The following L2HGDH variants were observed in gnomAD, a reference collection of about 807,000 sequenced individuals.
L2HGDH encodes the protein L-2-hydroxyglutarate dehydrogenase, mitochondrial.
L2HGDH carries 34 observed loss-of-function variants against 51.5 expected under a neutral mutation model. The ratio of observed to expected loss-of-function variants is 0.66; its 90% CI spans 0.50 to 0.88. The LOEUF is 0.88. L2HGDH is among the 40% of genes least tolerant of loss of function. L2HGDH has a pLI of 0.00. For missense variants in L2HGDH, 558 were observed against 571.9 expected (o/e 0.98, Z 0.25); for synonymous variants, 198 against 197.9 (o/e 1.00, Z -0.01).
chr14:50,243,417 T>TA lies in L2HGDH; in HGVS notation c.*3640dup, dbSNP rs1055743031. On this transcript the variant is annotated 3_prime_UTR_variant, in exon 10 of 10. Coordinates refer to ENST00000267436, the MANE Select transcript of L2HGDH (RefSeq NM_024884.3). ...AAGCAAACAGTTTATGTTTTACACA[T>TA]AAAAAAATTTATTTGCATAAAAGTT... 4 of 970,042 alleles carry TA rather than the reference T, an allele frequency of 4.1e-6. No homozygotes were observed. The African/African-American group carries it at 7.0e-5, about 17-fold the overall frequency. The allele number at this position is 970,042 out of a possible 1,614,324, so 60.1% of individuals were successfully genotyped here.
intron 4 of L2HGDH, among the ~76,000 whole-genome samples, chr14:50,290,758 G>A (rs961251845): frequency 3.9e-5 from 6 of 151,938 alleles, no homozygotes; most frequent in African/African-American, 1.5e-4. Flanking sequence ...CCGCCTCCCG[G>A]GTTCAAGCAA....
chr14:50,304,703 C>T (rs566085498), intron 1 of L2HGDH, among the ~76,000 whole-genome samples: 4 of 152,198 alleles, frequency 2.6e-5, no homozygotes, highest in East Asian at 1.9e-4. Flanking sequence ...GGCGTGGTGG[C>T]GGGCACCTGT....
At chr14:50,267,489 T>C (rs1889411928) in intron 8 of L2HGDH, among the ~76,000 whole-genome samples, 1 of 152,148 alleles carries the variant, frequency 6.6e-6, no homozygotes, top group Non-Finnish European at 1.5e-5. Flanking sequence ...GCCAGCCTTT[T>C]CTTTTTAACC....
rs1962578 is a variant in L2HGDH, at chr14:50,303,150, G to A, written c.141-133C>T. The A allele has an allele frequency of 0.41, 260,238 of 630,212 alleles. 55,454 individuals are homozygous for A. Among genetic ancestry groups the A allele is most frequent in the East Asian group, 0.63 (20,024 of 31,592 alleles). 39.0% of individuals were successfully genotyped at this position (630,212 alleles called of 1,614,324 possible). A position where few individuals can be genotyped will look rare whatever the true frequency, so the allele number is the denominator to read the frequency against. ...ATGAAAACGTATTCGGCGGCCGGTC[G>A]CAGTGGCTCACACCTGTAATCCCAG... On this transcript the variant is annotated intron_variant, in intron 1 of 9. Coordinates refer to ENST00000267436, the MANE Select transcript of L2HGDH (RefSeq NM_024884.3).
intron 1 of L2HGDH, among the ~76,000 whole-genome samples, chr14:50,309,546 A>G (rs1259749610): frequency 1.4e-5 from 2 of 147,514 alleles, no homozygotes; most frequent in Admixed American, 6.9e-5. Context: ...TGGGTGACAA[A>G]GCGAGACTTC....
intron 7 of L2HGDH, among the ~76,000 whole-genome samples, chr14:50,268,396 A>T (rs1041985659): frequency 6.6e-6 from 1 of 151,476 alleles, no homozygotes; most frequent in African/African-American, 2.4e-5. Flanking sequence ...AAAAAAAAAA[A>T]AAAAAGAAAC....
rs1595083627 is a variant in L2HGDH, at chr14:50,265,439, A to G, written c.1115T>C (p.Met372Thr). 1.2e-6 allele frequency: 2 copies of G among 1,613,114 alleles called. No individual in the cohort carries two copies. The highest frequency in any genetic ancestry group is 2.2e-5 in the South Asian group (2 of 91,054). ...TGCACCAAGAAAACATGCTTTATAC[A>G]TTTCAGTAACTCCATAGGAAAAATT... ...SQNFSYGVTE[M>T]YKACFLGATV... Residue 372 changes from methionine to threonine, a missense_variant, in exon 9 of 10, where the codon ATG becomes ACG. Transcript: ENST00000267436.
At chr14:50,308,327 C>T (rs181080990) in intron 1 of L2HGDH, among the ~76,000 whole-genome samples, 4 of 149,578 alleles carry the variant, frequency 2.7e-5, no homozygotes, top group Middle Eastern at 3.5e-3. Context: ...GAGGCCTCTG[C>T]GGTGAGCCGA....
intron 5 of L2HGDH, among the ~76,000 whole-genome samples, chr14:50,283,026 T>TA (rs566436202): frequency 3.0e-4 from 43 of 143,624 alleles, no homozygotes; most frequent in South Asian, 2.9e-3. Flanking sequence ...AAATTAAAAT[T>TA]AAAAAAAAAA....
intron 4 of L2HGDH, chr14:50,293,110 TTAA>T (rs2029869121): frequency 3.1e-6 from 2 of 647,204 alleles, no homozygotes; most frequent in Admixed American, 4.7e-5. Flanking sequence ...AAGAACCCAT[TTAA>T]AAAAAAATGG....
At chr14:50,288,710 C>T (rs1211643199) in intron 4 of L2HGDH, among the ~76,000 whole-genome samples, 3 of 152,214 alleles carry the variant, frequency 2.0e-5, no homozygotes, top group East Asian at 1.9e-4. Flanking sequence ...GGATTACAGG[C>T]GTGAGCCACT....
chr14:50,264,386 A>C (rs899654658), intron 9 of L2HGDH, among the ~76,000 whole-genome samples: 1 of 152,144 alleles, frequency 6.6e-6, no homozygotes, highest in African/African-American at 2.4e-5. Context: ...TTCAGAAAAA[A>C]TATAAAAATA....
At chr14:50,274,939 G>C (rs1889892117) in intron 6 of L2HGDH, among the ~76,000 whole-genome samples, 1 of 133,338 alleles carries the variant, frequency 7.5e-6, no homozygotes, top group Non-Finnish European at 1.6e-5. Flanking sequence ...TAGAAAAAGA[G>C]AGTACAATGA....
chr14:50,263,599 G>A (rs1181934421), intron 9 of L2HGDH, among the ~76,000 whole-genome samples: 3 of 152,100 alleles, frequency 2.0e-5, no homozygotes, highest in African/African-American at 7.2e-5. Flanking sequence ...AATTCATGGA[G>A]GGATGGATTG....
At chr14:50,311,446 G>A (rs1438727158) in intron 1 of L2HGDH, 2 of 455,948 alleles carry the variant, frequency 4.4e-6, no homozygotes, top group African/African-American at 4.0e-5. Flanking sequence ...ACAGAGGACA[G>A]AGAAAGACAA....
chr14:50,248,646 T>C (rs981833821), intron 9 of L2HGDH, among the ~76,000 whole-genome samples: 1 of 152,216 alleles, frequency 6.6e-6, no homozygotes, highest in Non-Finnish European at 1.5e-5. Context: ...TAAAGATAAG[T>C]GATCTTCCCT....
At chr14:50,306,813 AT>A (rs879787500) in intron 1 of L2HGDH, among the ~76,000 whole-genome samples, 8 of 151,972 alleles carry the variant, frequency 5.3e-5, no homozygotes, top group African/African-American at 1.9e-4. Flanking sequence ...TATACTGAAA[AT>A]TTTTTTTTAA....
chr14:50,263,321 A>AT (rs1277767817), intron 9 of L2HGDH, among the ~76,000 whole-genome samples: 1 of 152,222 alleles, frequency 6.6e-6, no homozygotes, highest in Non-Finnish European at 1.5e-5. Flanking sequence ...ATGGCTAGAT[A>AT]TTTTTATCCC....
chr14:50,302,142 C>T lies in L2HGDH; in HGVS notation c.283G>A (p.Gly95Ser), dbSNP rs777009389. 2 of 1,614,020 alleles carry T rather than the reference C, an allele frequency of 1.2e-6. No homozygotes were observed. Among genetic ancestry groups the T allele is most frequent in the South Asian group, 1.1e-5 (1 of 91,074 alleles). The stretch of plus-strand genomic sequence containing the variant: ...TAATAAATTCCACTATGTATGACAC[C>T]ACTGTTATGTCCAGTCTGGTGAACA... Reference protein sequence around the residue: ...LAVHQTGHNSGVIHSGIYYKP... With the variant: ...LAVHQTGHNSSVIHSGIYYKP... The change falls in exon 3 of 10, where the codon GGT (glycine) becomes AGT (serine). Residue 95 changes from glycine (G) to serine (S), a missense_variant. Gly to Ser is a moderately conservative substitution (Grantham distance 56, BLOSUM62 0). Transcript: ENST00000267436.
Sources: gnomAD v4.1 joint callset for allele counts (sites outside exome capture counted in the v4.1 genomes callset) on GRCh38, gnomAD v4.1.1 for gene constraint, MANE v1.5 for transcripts, NCBI Gene and HGNC (gene_info 2026-07-23, HGNC 2026-07-21) for gene names.